Variants in VPS13B observed in about 807,000 individuals in gnomAD.
The protein encoded by VPS13B is vacuolar protein sorting 13 homolog B.
VPS13B carries 285 observed loss-of-function variants against 426.4 expected under a neutral mutation model. The ratio of observed to expected loss-of-function variants is 0.67; its 90% CI spans 0.61 to 0.74. VPS13B has a LOEUF of 0.74. VPS13B is among the 30% of genes least tolerant of loss of function. The probability of loss-of-function intolerance (pLI) is 0.00; values close to 1 mark genes in which losing one functional copy is unlikely to be tolerated. For synonymous variants in VPS13B, 1,676 were observed against 1,676.4 expected, an observed-to-expected ratio of 1.00 and a Z score of 0.01; for missense variants, 4,537 against 4,782.6, an observed-to-expected ratio of 0.95 and a Z score of 1.51.
chr8:99,472,830 C>T (rs961174885), intron 24 of VPS13B, among the ~76,000 whole-genome samples: 1 of 151,914 alleles, frequency 6.6e-6, no homozygotes, highest in Non-Finnish European at 1.5e-5. Context: ...CTACTAATAT[C>T]ATGAATAAAG....
At chr8:99,018,190 A>G (rs1841715658) in intron 2 of VPS13B, among the ~76,000 whole-genome samples, 1 of 152,170 alleles carries the variant, frequency 6.6e-6, no homozygotes, top group Non-Finnish European at 1.5e-5. Context: ...GTTCGAGATC[A>G]GCCTAGCCAA....
At chr8:99,273,455 C>T (rs1317591896) in intron 17 of VPS13B, among the ~76,000 whole-genome samples, 2 of 151,860 alleles carry the variant, frequency 1.3e-5, no homozygotes, top group South Asian at 2.1e-4. Flanking sequence ...CGTGAGTCAC[C>T]GCGCCCAGCC....
intron 43 of VPS13B, among the ~76,000 whole-genome samples, chr8:99,806,081 C>G (rs1217934207): frequency 1.3e-5 from 2 of 152,212 alleles, no homozygotes; most frequent in African/African-American, 4.8e-5. Context: ...TGCAGTCTTC[C>G]TGCCTCTCCA....
chr8:99,072,575 A>G (rs1844905937), intron 3 of VPS13B, among the ~76,000 whole-genome samples: 1 of 151,502 alleles, frequency 6.6e-6, no homozygotes, highest in Non-Finnish European at 1.5e-5. Flanking sequence ...TGGTATAGGC[A>G]CTCCCCTGGC....
chr8:99,763,839 A>G lies in VPS13B; in HGVS notation c.7051-2935A>G, dbSNP rs541997295. On this transcript the variant is annotated intron_variant, in intron 39 of 61. Coordinates refer to ENST00000357162, the MANE Select transcript of VPS13B (RefSeq NM_152564.5). ...CTTATCACTAACCAGAATATGTGCT[A>G]CTATTTCATCACATTTACCCTCTTC... Among the ~76,000 whole-genome samples the G allele has an allele frequency of 2.0e-5, 3 of 152,080 alleles. No individual in the cohort carries two copies. The South Asian group carries it at 6.2e-4, about 32-fold the overall frequency.
chr8:99,019,550 A>G (rs1841787140), intron 2 of VPS13B, among the ~76,000 whole-genome samples: 2 of 152,142 alleles, frequency 1.3e-5, no homozygotes, highest in African/African-American at 4.8e-5. Flanking sequence ...GTATGTTTAC[A>G]TTGTTGTGCA....
At chr8:99,071,136 C>G (rs1034340242) in intron 3 of VPS13B, among the ~76,000 whole-genome samples, 1 of 152,030 alleles carries the variant, frequency 6.6e-6, no homozygotes, top group African/African-American at 2.4e-5. Context: ...TGCTGTATGG[C>G]CTTGATGCCT....
intron 3 of VPS13B, among the ~76,000 whole-genome samples, chr8:99,068,436 C>G (rs964524807): frequency 3.3e-5 from 5 of 152,140 alleles, no homozygotes; most frequent in African/African-American, 1.2e-4. Flanking sequence ...CCCATGGGCT[C>G]ACTGCCTGTT....
intron 21 of VPS13B, among the ~76,000 whole-genome samples, chr8:99,422,209 A>T (rs1816415690): frequency 6.6e-6 from 1 of 152,178 alleles, no homozygotes. Flanking sequence ...TATCCAAAAT[A>T]GTGTACTTTT....
chr8:99,699,185 A>C (rs1159790237), intron 35 of VPS13B, among the ~76,000 whole-genome samples: 2 of 149,998 alleles, frequency 1.3e-5, no homozygotes, highest in African/African-American at 4.9e-5. Flanking sequence ...ATAGGTAACA[A>C]ACTGGAAAAC....
At chr8:99,126,371 G>T (rs1848185759) in intron 8 of VPS13B, among the ~76,000 whole-genome samples, 1 of 152,144 alleles carries the variant, frequency 6.6e-6, no homozygotes, top group Non-Finnish European at 1.5e-5. Flanking sequence ...GGACACTAAG[G>T]ACCTACTACA....
intron 22 of VPS13B, among the ~76,000 whole-genome samples, chr8:99,438,694 A>G (rs1295670178): frequency 5.9e-5 from 9 of 152,164 alleles, no homozygotes; most frequent in Non-Finnish European, 1.3e-4. Context: ...AATTTCTACT[A>G]CATATGATGA....
chr8:99,204,943 G>T (rs1432827934), intron 17 of VPS13B, among the ~76,000 whole-genome samples: 10 of 152,174 alleles, frequency 6.6e-5, no homozygotes, highest in Admixed American at 6.5e-4. Context: ...GGAAGATAGT[G>T]TGGCAATTCC....
intron 3 of VPS13B, among the ~76,000 whole-genome samples, chr8:99,044,617 A>G (rs1843124853): frequency 6.6e-6 from 1 of 152,020 alleles, no homozygotes; most frequent in African/African-American, 2.4e-5. Flanking sequence ...TATACGCTGT[A>G]CCGAATTTGT....
chr8:99,463,764 T>C (rs1818954652), intron 23 of VPS13B, among the ~76,000 whole-genome samples: 1 of 152,090 alleles, frequency 6.6e-6, no homozygotes, highest in Non-Finnish European at 1.5e-5. Context: ...ATGATCTCGG[T>C]TCACTGGAGC....
intron 39 of VPS13B, among the ~76,000 whole-genome samples, chr8:99,751,779 T>C (rs1810408906): frequency 6.6e-6 from 1 of 152,180 alleles, no homozygotes; most frequent in South Asian, 2.1e-4. Flanking sequence ...GTCTCATGGA[T>C]AGAAAACATG....
chr8:99,404,386 C>T (rs1815219555), intron 21 of VPS13B, among the ~76,000 whole-genome samples: 1 of 152,088 alleles, frequency 6.6e-6, no homozygotes, highest in African/African-American at 2.4e-5. Context: ...TTCTGAATGT[C>T]ACATAGTGAT....
At chr8:99,057,671 A>G (rs1304942542) in intron 3 of VPS13B, among the ~76,000 whole-genome samples, 1 of 152,122 alleles carries the variant, frequency 6.6e-6, no homozygotes, top group Non-Finnish European at 1.5e-5. Flanking sequence ...CTTCACCTAT[A>G]TGTCCCATAG....
intron 19 of VPS13B, among the ~76,000 whole-genome samples, chr8:99,282,257 T>C (rs2133020949): frequency 6.6e-6 from 1 of 152,342 alleles, no homozygotes; most frequent in South Asian, 2.1e-4. Context: ...TCTATATGAT[T>C]TGTCTTCAGA....
Sources: allele counts gnomAD v4.1 joint callset (sites outside exome capture counted in the v4.1 genomes callset), GRCh38; gene constraint gnomAD v4.1.1; transcripts MANE v1.5; gene names NCBI Gene and HGNC (gene_info 2026-07-23, HGNC 2026-07-21).